CD8B: variants seen among roughly 807,000 people sequenced by gnomAD.
CD8B encodes the protein T-cell surface glycoprotein CD8 beta chain.
CD8B carries 6 observed loss-of-function variants against 24.2 expected under a neutral mutation model. The ratio of observed to expected loss-of-function variants is 0.25; its 90% CI spans 0.14 to 0.49. The LOEUF (loss-of-function observed/expected upper bound fraction) is 0.49, where lower values mean the gene tolerates loss of function less well. Among genes scored for constraint, CD8B ranks in the 20% least tolerant of loss-of-function variants. The pLI is 0.98. For synonymous variants in CD8B, 84 were observed against 108.3 expected (o/e 0.78, Z 1.39); for missense variants, 196 against 271.3 (o/e 0.72, Z 1.95).
intron 2 of CD8B, among the ~76,000 whole-genome samples, chr2:86,854,555 C>T (rs1051528497): frequency 3.5e-4 from 53 of 152,248 alleles, no homozygotes; most frequent in Middle Eastern, 3.4e-3. Flanking sequence ...GATGGGTCAC[C>T]CCTCTCCTTC....
chr2:86,829,788 C>A (rs1219289207), intron 5 of CD8B, among the ~76,000 whole-genome samples: 2 of 152,196 alleles, frequency 1.3e-5, no homozygotes, highest in African/African-American at 4.8e-5. Context: ...TTACCTGCAA[C>A]TGTTTCGGTA....
At chr2:86,834,981 C>T (rs1426021459), downstream of CD8B, among the ~76,000 whole-genome samples, 6 of 151,576 alleles carry the variant, frequency 4.0e-5, no homozygotes, top group Non-Finnish European at 7.4e-5. Flanking sequence ...CCCCTGCACC[C>T]GCCCCACCAA....
At chr2:86,833,195 C>CT (rs878931885), downstream of CD8B, among the ~76,000 whole-genome samples, 3,636 of 138,050 alleles carry the variant, frequency 0.026, 154 homozygotes, top group East Asian at 0.11. Context: ...GTTAATCTGT[C>CT]TTTTTTTTTT....
intron 5 of CD8B, among the ~76,000 whole-genome samples, chr2:86,820,827 T>A (rs1002613154): frequency 2.0e-5 from 3 of 152,262 alleles, no homozygotes; most frequent in Non-Finnish European, 4.4e-5. Context: ...ATCATTAAGA[T>A]AACAATGCTA....
intron 5 of CD8B, among the ~76,000 whole-genome samples, 180 bp from the exon 6 acceptor site, chr2:86,842,499 T>TA (rs1255408176): frequency 6.6e-6 from 1 of 152,120 alleles, no homozygotes; most frequent in African/African-American, 2.4e-5. Flanking sequence ...TTGTTAAGGC[T>TA]AAAAAACAAA....
At chr2:86,822,383 A>G (rs1674514139) in intron 5 of CD8B, 1 of 1,548,170 alleles carries the variant, frequency 6.5e-7, no homozygotes, top group Non-Finnish European at 8.9e-7. Context: ...GTCTTGGCAC[A>G]ATAGAGTATG....
chr2:86,832,485 T>TAA (rs111687034), intron 5 of CD8B, among the ~76,000 whole-genome samples: 3 of 143,682 alleles, frequency 2.1e-5, no homozygotes, highest in Non-Finnish European at 3.1e-5. Context: ...CTCAAAAAAT[T>TAA]AAAAAAAAAA....
chr2:86,821,478 G>A (rs2104495000), intron 5 of CD8B, among the ~76,000 whole-genome samples: 1 of 152,318 alleles, frequency 6.6e-6, no homozygotes, highest in African/African-American at 2.4e-5. Flanking sequence ...TATTGTGGCG[G>A]GGAAGCAACA....
chr2:86,834,083 G>A (rs1675069100), downstream of CD8B, among the ~76,000 whole-genome samples: 1 of 152,064 alleles, frequency 6.6e-6, no homozygotes, highest in Non-Finnish European at 1.5e-5. Flanking sequence ...AAACAATATG[G>A]ATAGAATCAT....
chr2:86,828,331 T>TGTGTGTGTGC (rs1553434558), intron 5 of CD8B, among the ~76,000 whole-genome samples: 1 of 152,122 alleles, frequency 6.6e-6, no homozygotes, highest in Admixed American at 6.6e-5. Context: ...TGTGTGTGTG[T>TGTGTGTGTGC]GTGTGTGCGT....
chr2:86,824,648 G>A (rs1460480612), intron 5 of CD8B, among the ~76,000 whole-genome samples: 2 of 152,166 alleles, frequency 1.3e-5, no homozygotes, highest in African/African-American at 4.8e-5. Context: ...AGGCCTTGTG[G>A]TGGAGGGAAG....
chr2:86,842,088 G>T lies in CD8B; in HGVS notation c.*219C>A. 1.5e-6 allele frequency: 2 copies of T among 1,349,116 alleles called. No homozygotes were observed. Among genetic ancestry groups the T allele is most frequent in the Admixed American group, 3.7e-5 (1 of 27,368 alleles). The allele number at this position is 1,349,116 out of a possible 1,614,324, so 83.6% of individuals were successfully genotyped here. ...CAGCACACTCTGTGAAGTGCCCTGG[G>T]GGCAATGAAACCTTCTCCCTAGTAT... On this transcript the variant is annotated 3_prime_UTR_variant, in exon 6 of 6. Transcript: ENST00000390655.
In CD8B at chr2:86,839,262, T is replaced by C. The variant is rs1473288630; in HGVS notation, c.*3045A>G. On this transcript the variant is annotated 3_prime_UTR_variant, in exon 6 of 6. Coordinates refer to ENST00000390655, the MANE Select transcript of CD8B (RefSeq NM_004931.5). ...TCCTTAGCAGCCGCCTAAACCCCCTTATTAGACTGTGTCTGAATTTATCTG... is the reference window on the plus strand; with the variant it reads ...TCCTTAGCAGCCGCCTAAACCCCCTCATTAGACTGTGTCTGAATTTATCTG... Among the ~76,000 whole-genome samples, 1 of 152,238 alleles carries C rather than the reference T, an allele frequency of 6.6e-6. No individual in the cohort carries two copies. Among genetic ancestry groups the C allele is most frequent in the African/African-American group, 2.4e-5 (1 of 41,466 alleles).
chr2:86,851,537 G>GTTCTGA (rs1169584398), intron 3 of CD8B, among the ~76,000 whole-genome samples: 4 of 152,136 alleles, frequency 2.6e-5, no homozygotes, highest in Admixed American at 6.6e-5. Flanking sequence ...CTGTACATTG[G>GTTCTGA]TTCTGATTTT....
intron 4 of CD8B, among the ~76,000 whole-genome samples, chr2:86,846,273 A>C (rs1365227632): frequency 1.3e-5 from 2 of 152,146 alleles, no homozygotes; most frequent in African/African-American, 4.8e-5. Flanking sequence ...CCCATAGGCA[A>C]ACTTTTCTGG....
Position 86,841,914 on chromosome 2 carries a change from T to C in CD8B, c.*393A>G, listed in dbSNP as rs1317108463. 3.0e-6 allele frequency: 3 copies of C among 995,874 alleles called. No individual in the cohort carries two copies. The highest frequency in any genetic ancestry group is 3.6e-6 in the Non-Finnish European group (3 of 837,160). 61.7% of individuals were successfully genotyped at this position (995,874 alleles called of 1,614,324 possible). ...AGGGAGCCAGCCCAGCATCACCCCA[T>C]GAAAGACCCAGGACCCAATGTTACT... is the stretch of plus-strand genomic sequence containing the variant. On this transcript the variant is annotated 3_prime_UTR_variant, in exon 6 of 6. Transcript: ENST00000390655.
At position 86,847,546 on chromosome 2, in the gene CD8B, CGTTT is replaced by C. The variant is rs981898696; in HGVS notation, c.494-777_494-774del. ...TTTATATATACATATAGGGTTTGTTCGTTTGTTTGTTTGTTTTGACACAGAGTCT... is the reference window on the plus strand; with the variant it reads ...TTTATATATACATATAGGGTTTGTTCGTTTGTTTGTTTTGACACAGAGTCT... On this transcript the variant is annotated intron_variant, in intron 3 of 5. Coordinates refer to ENST00000390655, the MANE Select transcript of CD8B (RefSeq NM_004931.5). Among the ~76,000 whole-genome samples the C allele has an allele frequency of 1.4e-3, 217 of 152,092 alleles. 2 individuals carry two copies. The highest frequency in any genetic ancestry group is 4.9e-3 in the African/African-American group (205 of 41,480).
At position 86,842,157 on chromosome 2, in the gene CD8B, C is replaced by G. The variant is rs1244698224; in HGVS notation, c.*150G>C. On this transcript the variant is annotated 3_prime_UTR_variant, in exon 6 of 6. Coordinates refer to ENST00000390655, the MANE Select transcript of CD8B (RefSeq NM_004931.5). ...AAGTTGCTCCCATGCACATCACACA[C>G]AGAAAGGCCTTGCAGCAGTGAAAAG... is the stretch of plus-strand genomic sequence containing the variant. 3 of 1,487,466 alleles carry G rather than the reference C, an allele frequency of 2.0e-6. No homozygotes were observed. Among genetic ancestry groups the G allele is most frequent in the Non-Finnish European group, 2.7e-6 (3 of 1,119,974 alleles). The allele number at this position is 1,487,466 out of a possible 1,614,324, so 92.1% of individuals were successfully genotyped here.
intron 1 of CD8B, among the ~76,000 whole-genome samples, chr2:86,859,113 A>G (rs1162775974): frequency 6.6e-6 from 1 of 152,150 alleles, no homozygotes; most frequent in East Asian, 1.9e-4. Context: ...CTGCCGAAGG[A>G]GACCCAGGAC....
Sources: gnomAD v4.1 joint callset for allele counts (sites outside exome capture counted in the v4.1 genomes callset) on GRCh38, gnomAD v4.1.1 for gene constraint, MANE v1.5 for transcripts, NCBI Gene and HGNC (gene_info 2026-07-23, HGNC 2026-07-21) for gene names.